Variants in CHST1 observed in about 807,000 individuals in gnomAD.
CHST1 encodes Keratan sulfotransferase.
A neutral mutation model predicts 22.5 loss-of-function variants in CHST1; 10 were observed. That is an observed-to-expected ratio of 0.44 (90% confidence interval 0.27 to 0.75). The LOEUF (loss-of-function observed/expected upper bound fraction) is 0.75, where lower values mean the gene tolerates loss of function less well. CHST1 is among the 30% of genes least tolerant of loss of function. The probability of loss-of-function intolerance (pLI) is 0.15; values close to 1 mark genes in which losing one functional copy is unlikely to be tolerated. For missense variants in CHST1, 439 were observed against 576.1 expected, an observed-to-expected ratio of 0.76 and a Z score of 2.44; for synonymous variants, 267 against 264.5, an observed-to-expected ratio of 1.01 and a Z score of -0.09.
intron 1 of CHST1, among the ~76,000 whole-genome samples, chr11:45,663,472 G>A (rs1283837683): frequency 6.6e-6 from 1 of 152,198 alleles, no homozygotes; most frequent in Middle Eastern, 3.2e-3. Flanking sequence ...TGTTGGGGAG[G>A]AAACCCCTGG....
chr11:45,662,477 C>T (rs747182376), intron 1 of CHST1, among the ~76,000 whole-genome samples: 4 of 152,126 alleles, frequency 2.6e-5, no homozygotes, highest in Admixed American at 6.5e-5. Context: ...GGGGGTGTGC[C>T]GGGGCCGCTG....
At chr11:45,659,172 A>G (rs1852099410) in intron 1 of CHST1, among the ~76,000 whole-genome samples, 1 of 152,216 alleles carries the variant, frequency 6.6e-6, no homozygotes, top group Non-Finnish European at 1.5e-5. Flanking sequence ...GGCTACTGCC[A>G]CCTTTCACAG....
At position 45,650,032 on chromosome 11, in the gene CHST1, T is replaced by G. The variant is rs774931521; in HGVS notation, c.892A>C (p.Met298Leu). Residue 298 changes from methionine to leucine, a missense_variant, in exon 4 of 4, where the codon ATG becomes CTG. Coordinates refer to ENST00000308064, the MANE Select transcript of CHST1 (RefSeq NM_003654.6). ...MRPPWLKGKY[M>L]LVRYEDLARN... ...GCCAGGTCCTCGTAGCGCACCAACATGTACTTGCCCTTGAGCCACGGGGGC... is the reference window on the plus strand; with the variant it reads ...GCCAGGTCCTCGTAGCGCACCAACAGGTACTTGCCCTTGAGCCACGGGGGC... 2 of 1,613,924 alleles carry G rather than the reference T, an allele frequency of 1.2e-6. No individual in the cohort carries two copies. The highest frequency in any genetic ancestry group is 1.7e-5 in the Admixed American group (1 of 60,024).
Position 45,650,522 on chromosome 11 carries a change from G to C in CHST1, c.402C>G (p.Phe134Leu). ...LRSLYDCDLY[F>L]LENYIKPPPV... ...GCGGCGGCTTGATGTAGTTCTCCAG[G>C]AAGTAGAGGTCGCAGTCGTAGAGGC... Residue 134 changes from phenylalanine (F) to leucine (L), a missense_variant, in exon 4 of 4, where the codon TTC (phenylalanine) becomes TTG (leucine). Transcript: ENST00000308064. 6.2e-7 allele frequency: 1 copy of C among 1,613,938 alleles called. No homozygotes were observed. The highest frequency in any genetic ancestry group is 8.5e-7 in the Non-Finnish European group (1 of 1,179,978).
chr11:45,665,553 G>C lies in CHST1; in HGVS notation c.-602C>G, dbSNP rs1852189957. The stretch of plus-strand genomic sequence containing the variant: ...GAGAGCAGCAGCCGCAGGCACCAGA[G>C]CCTCTCGGAGCGCCCGCCCGCGTCC... On this transcript the variant is annotated 5_prime_UTR_variant, in exon 1 of 4. Transcript: ENST00000308064. This position sits in a 1 kb window ranked among gnomAD's most constrained non-coding sequence, Gnocchi z 4.0. The C allele has an allele frequency of 6.6e-6, 1 of 151,678 alleles. No homozygotes were observed. Among genetic ancestry groups the C allele is most frequent in the African/African-American group, 2.4e-5 (1 of 41,336 alleles). The allele number at this position is 151,678 out of a possible 1,614,324, so 9.4% of individuals were successfully genotyped here.
At position 45,650,499 on chromosome 11, in the gene CHST1, G is replaced by C; in HGVS notation, c.425C>G (p.Pro142Arg). 6.2e-7 allele frequency: 1 copy of C among 1,613,718 alleles called. No homozygotes were observed. The highest frequency in any genetic ancestry group is 8.5e-7 in the Non-Finnish European group (1 of 1,179,958). Residue 142 changes from proline to arginine, a missense_variant, in exon 4 of 4, where the codon CCG becomes CGG. Coordinates refer to ENST00000308064, the MANE Select transcript of CHST1 (RefSeq NM_003654.6). The stretch of plus-strand genomic sequence containing the variant: ...CCTGTCGGTGGTGTGGTTGACCGGC[G>C]GCGGCTTGATGTAGTTCTCCAGGAA... The part of the protein sequence containing the change: ...LYFLENYIKP[P>R]PVNHTTDRIF...
rs940477402 is a variant in CHST1 at position 45,649,581 on chromosome 11, C to G, written c.*107G>C. On this transcript the variant is annotated 3_prime_UTR_variant, in exon 4 of 4. Coordinates refer to ENST00000308064, the MANE Select transcript of CHST1 (RefSeq NM_003654.6). ...GGGTGAGCTGGGGGCAGGAAGGACACGAAGATGAGGTGGGAGAGGGAGGGG... is the reference window on the plus strand; with the variant it reads ...GGGTGAGCTGGGGGCAGGAAGGACAGGAAGATGAGGTGGGAGAGGGAGGGG... 5.8e-6 allele frequency: 7 copies of G among 1,198,324 alleles called. No individual in the cohort carries two copies. The highest frequency in any genetic ancestry group is 8.1e-6 in the Non-Finnish European group (7 of 860,586). 74.2% of individuals were successfully genotyped at this position (1,198,324 alleles called of 1,614,324 possible). A position where few individuals can be genotyped will look rare whatever the true frequency, so the allele number is the denominator to read the frequency against.
At chr11:45,657,744 G>A (rs1313885465) in intron 1 of CHST1, among the ~76,000 whole-genome samples, 1 of 152,194 alleles carries the variant, frequency 6.6e-6, no homozygotes, top group East Asian at 1.9e-4. Flanking sequence ...CAGCCCAAGG[G>A]ACCCCTTCTC....
rs752079319 is a variant in CHST1, at chr11:45,650,402, C to T, written c.522G>A (p.Leu174=). 9 of 1,605,840 alleles carry T rather than the reference C, an allele frequency of 5.6e-6. No homozygotes were observed. In the Admixed American group the frequency reaches 1.5e-4, roughly 27 times the overall value. Residue 174 remains leucine (L), a synonymous_variant, in exon 4 of 4, where the codon CTG becomes CTA. Transcript: ENST00000308064. ...PVCDPPGPAD[L]VLEEGDCVRK... ...GCACACAGTCCCCCTCCTCCAGGAC[C>T]AGGTCGGCTGGCCCCGGAGGGTCGC...
In CHST1 at chr11:45,649,762, C is replaced by T. The variant is rs762208452; in HGVS notation, c.1162G>A (p.Ala388Thr). The T allele has an allele frequency of 6.2e-6, 10 of 1,610,694 alleles. No individual in the cohort carries two copies. The highest frequency in any genetic ancestry group is 1.3e-5 in the African/African-American group (1 of 74,922). ...QVLAQLGYKI[A>T]ASEEELKNPS... ...TTCTTCAGCTCCTCCTCCGAGGCGG[C>T]GATCTTGTAGCCCAGCTGGGCCAGC... The change falls in exon 4 of 4, where the codon GCC becomes ACC. Residue 388 changes from alanine (A) to threonine (T), a missense_variant. Ala to Thr is a moderately conservative substitution (Grantham distance 58). Coordinates refer to ENST00000308064, the MANE Select transcript of CHST1 (RefSeq NM_003654.6).
chr11:45,660,095 G>A (rs1313987373), intron 1 of CHST1, among the ~76,000 whole-genome samples: 1 of 152,200 alleles, frequency 6.6e-6, no homozygotes. Context: ...ACACAATGGC[G>A]GCTGCTCATA....
intron 1 of CHST1, among the ~76,000 whole-genome samples, chr11:45,661,326 C>T (rs1852130349): frequency 6.6e-6 from 1 of 152,226 alleles, no homozygotes; most frequent in African/African-American, 2.4e-5. Flanking sequence ...TGGGTCAGAT[C>T]TTATCTAACA....
chr11:45,660,842 C>G (rs1387604670), intron 1 of CHST1, among the ~76,000 whole-genome samples: 1 of 152,218 alleles, frequency 6.6e-6, no homozygotes, highest in African/African-American at 2.4e-5. Context: ...CTGGCAGAAA[C>G]TTGGGAGAAA....
chr11:45,664,407 GC>G (rs550367191), intron 1 of CHST1, among the ~76,000 whole-genome samples: 71 of 152,330 alleles, frequency 4.7e-4, no homozygotes, highest in African/African-American at 1.7e-3. Flanking sequence ...GAAAGGGCAG[GC>G]CCGGGGTGGG....
At chr11:45,654,585 T>C (rs1434782244) in intron 1 of CHST1, among the ~76,000 whole-genome samples, 2 of 152,308 alleles carry the variant, frequency 1.3e-5, no homozygotes, top group East Asian at 3.9e-4. Context: ...AAGGAAGCCT[T>C]AGCCACTACA....
Position 45,649,666 on chromosome 11 carries a change from G to T in CHST1, c.*22C>A. The T allele has an allele frequency of 6.6e-7, 1 of 1,521,040 alleles. No homozygotes were observed. The highest frequency in any genetic ancestry group is 8.8e-7 in the Non-Finnish European group (1 of 1,142,154). The allele number at this position is 1,521,040 out of a possible 1,614,324, so 94.2% of individuals were successfully genotyped here. On this transcript the variant is annotated 3_prime_UTR_variant, in exon 4 of 4. Coordinates refer to ENST00000308064, the MANE Select transcript of CHST1 (RefSeq NM_003654.6). The stretch of plus-strand genomic sequence containing the variant: ...TCAAAACCGACACCTTGCGCCTCCC[G>T]CCCCCACCCGCACCGCCCGGGTCAC...
At chr11:45,661,851 C>T (rs45627537) in intron 1 of CHST1, among the ~76,000 whole-genome samples, 5,118 of 152,238 alleles carry the variant, frequency 0.034, 114 homozygotes, top group Non-Finnish European at 0.051. Context: ...TAAGGGAGAC[C>T]GGGTAAGGCA....
At chr11:45,664,935 C>T in intron 1 of CHST1, among the ~76,000 whole-genome samples, 1 of 152,200 alleles carries the variant, frequency 6.6e-6, no homozygotes, top group South Asian at 2.1e-4. Flanking sequence ...AAGTTTGCTG[C>T]CCTCCTCGAA....
At chr11:45,654,976 C>A (rs775993399) in intron 1 of CHST1, among the ~76,000 whole-genome samples, 1 of 152,204 alleles carries the variant, frequency 6.6e-6, no homozygotes, top group Non-Finnish European at 1.5e-5. Context: ...TCAGTTTCCC[C>A]ATCCATAAAG....
Sources: allele counts gnomAD v4.1 joint callset (sites outside exome capture counted in the v4.1 genomes callset), GRCh38; gene constraint gnomAD v4.1.1; non-coding constraint Gnocchi (gnomAD v3.1); transcripts MANE v1.5; gene names NCBI Gene and HGNC (gene_info 2026-07-23, HGNC 2026-07-21).